Variants in TRIM44 observed in about 807,000 individuals in gnomAD.
TRIM44 encodes the protein tripartite motif-containing protein 44.
In TRIM44, 13 loss-of-function variants were observed where a neutral mutation model predicts 37.4. That is an observed-to-expected ratio of 0.35 (90% CI 0.23 to 0.55). The LOEUF is 0.55. TRIM44 is among the 20% of genes least tolerant of loss of function. TRIM44 has a pLI of 0.89. For synonymous variants in TRIM44, 175 were observed against 157.2 expected (o/e 1.11, Z -0.85); for missense variants, 426 against 437.2 (o/e 0.97, Z 0.23).
chr11:35,803,549 C>T (rs1314025352), intron 4 of TRIM44, among the ~76,000 whole-genome samples: 1 of 152,052 alleles, frequency 6.6e-6, no homozygotes, highest in African/African-American at 2.4e-5. Flanking sequence ...GGTGAAACTC[C>T]AGCTCTACTA....
intron 2 of TRIM44, among the ~76,000 whole-genome samples, chr11:35,716,790 G>C (rs1210582004): frequency 6.6e-6 from 1 of 152,190 alleles, no homozygotes; most frequent in Non-Finnish European, 1.5e-5. Flanking sequence ...TGTTGGGTCA[G>C]AAGGCAGATT....
In TRIM44 at chr11:35,663,110, A is replaced by C; in HGVS notation, c.-2A>C. 6.6e-7 allele frequency: 1 copy of C among 1,512,680 alleles called. No individual in the cohort carries two copies. Among genetic ancestry groups the C allele is most frequent in the Non-Finnish European group, 8.8e-7 (1 of 1,136,526 alleles). 93.7% of individuals were successfully genotyped at this position (1,512,680 alleles called of 1,614,324 possible). A position where few individuals can be genotyped will look rare whatever the true frequency, so the allele number is the denominator to read the frequency against. ...AGGCCTTGGCCGCGTCACAGCACCC[A>C]CATGGCCTCTGGAGTGGGCGCGGCC... On this transcript the variant is annotated 5_prime_UTR_variant, in exon 1 of 5. Coordinates refer to ENST00000299413, the MANE Select transcript of TRIM44 (RefSeq NM_017583.6).
At chr11:35,765,750 T>C (rs16927899) in intron 4 of TRIM44, among the ~76,000 whole-genome samples, 1,944 of 151,242 alleles carry the variant, frequency 0.013, 46 homozygotes, top group African/African-American at 0.044. Flanking sequence ...GTTTCACTCA[T>C]TCATTCATTT....
At chr11:35,702,725 ACAAT>A (rs1185247800) in intron 2 of TRIM44, among the ~76,000 whole-genome samples, 1 of 152,268 alleles carries the variant, frequency 6.6e-6, no homozygotes, top group Non-Finnish European at 1.5e-5. Flanking sequence ...AATTTCATTA[ACAAT>A]CAAGTGTCAT....
chr11:35,735,070 G>A (rs1590553476), intron 3 of TRIM44, among the ~76,000 whole-genome samples: 2 of 152,186 alleles, frequency 1.3e-5, no homozygotes, highest in East Asian at 3.9e-4. Flanking sequence ...TTTGGAACTG[G>A]CTAGCTTTTG....
chr11:35,741,342 G>A (rs541171516), intron 4 of TRIM44, among the ~76,000 whole-genome samples: 2 of 152,242 alleles, frequency 1.3e-5, no homozygotes, highest in Admixed American at 1.3e-4. Flanking sequence ...TGTGCTGCCT[G>A]TCTATACCCA....
chr11:35,749,920 CA>C (rs1455825968), intron 4 of TRIM44, among the ~76,000 whole-genome samples: 11 of 152,150 alleles, frequency 7.2e-5, no homozygotes, highest in African/African-American at 2.7e-4. Context: ...TGTTCATCAA[CA>C]AATAGGAGTG....
chr11:35,764,315 A>G lies in TRIM44; in HGVS notation c.1007+28870A>G, dbSNP rs79561402. Among the ~76,000 whole-genome samples, 74 of 152,308 alleles carry G rather than the reference A, an allele frequency of 4.9e-4. No homozygotes were observed. The East Asian group carries it at 0.014, about 29-fold the overall frequency. ...CTTCCTTCTGCTCACCATTACAGTA[A>G]GCAGATTAGGATGGAATTGCCTCTG... On this transcript the variant is annotated intron_variant, in intron 4 of 4. Coordinates refer to ENST00000299413, the MANE Select transcript of TRIM44 (RefSeq NM_017583.6).
At chr11:35,716,581 C>T (rs757205719) in intron 2 of TRIM44, among the ~76,000 whole-genome samples, 3 of 152,096 alleles carry the variant, frequency 2.0e-5, no homozygotes, top group Non-Finnish European at 4.4e-5. Context: ...AATGTATTGC[C>T]CACTGTTTTT....
intron 4 of TRIM44, among the ~76,000 whole-genome samples, chr11:35,764,865 C>T (rs1852773295): frequency 6.6e-6 from 1 of 151,970 alleles, no homozygotes; most frequent in Non-Finnish European, 1.5e-5. Flanking sequence ...TTTGACTTCT[C>T]AGTATTAAAT....
At chr11:35,780,474 G>T (rs949251353) in intron 4 of TRIM44, among the ~76,000 whole-genome samples, 1 of 152,114 alleles carries the variant, frequency 6.6e-6, no homozygotes, top group Admixed American at 6.5e-5. Flanking sequence ...AGAAGCATTG[G>T]CCACTTTCTT....
intron 2 of TRIM44, among the ~76,000 whole-genome samples, chr11:35,695,703 C>T (rs1851688133): frequency 6.6e-6 from 1 of 152,048 alleles, no homozygotes; most frequent in Non-Finnish European, 1.5e-5. Context: ...GACTTTAAAT[C>T]ATTATAGATG....
intron 4 of TRIM44, among the ~76,000 whole-genome samples, chr11:35,779,532 G>A (rs993846972): frequency 6.6e-6 from 1 of 152,164 alleles, no homozygotes. Context: ...CACGCTGGGA[G>A]CTGTAGACTG....
At chr11:35,777,137 T>C (rs922509139) in intron 4 of TRIM44, among the ~76,000 whole-genome samples, 22 of 152,334 alleles carry the variant, frequency 1.4e-4, no homozygotes, top group African/African-American at 5.1e-4. Flanking sequence ...ATCTGGGTGC[T>C]CCTGTATTGG....
chr11:35,806,293 A>G, intron 4 of TRIM44, 65 bp from the exon 5 acceptor site: 1 of 1,570,258 alleles, frequency 6.4e-7, no homozygotes, highest in Admixed American at 1.7e-5. Flanking sequence ...GCTATCAACC[A>G]GTAGACTAGG....
chr11:35,663,438 A>G lies in TRIM44; in HGVS notation c.327A>G (p.Glu109=), dbSNP rs148551696. 7.8e-5 allele frequency: 123 copies of G among 1,568,432 alleles called. No homozygotes were observed. The African/African-American group carries it at 1.3e-3, about 17-fold the overall frequency. ...SESEEESESE[E]ESETEEESED... ...CGGAGGAAGAGAGCGAGTCAGAGGAAGAGAGCGAGACAGAGGAAGAGAGTG... is the reference window on the plus strand; with the variant it reads ...CGGAGGAAGAGAGCGAGTCAGAGGAGGAGAGCGAGACAGAGGAAGAGAGTG... The change falls in exon 1 of 5, where the codon GAA becomes GAG. Residue 109 remains glutamate (E), a synonymous_variant. Transcript: ENST00000299413.
rs1374036735 is a variant in TRIM44 at position 35,812,018 on chromosome 11, C to CTT, written c.*5634_*5635dup. ...GGTGGCACTGCCTGCCACTGTAGCACTTAGGAGTCTTCAGTGTTTTAACAA... is the reference window on the plus strand; with the variant it reads ...GGTGGCACTGCCTGCCACTGTAGCACTTTTAGGAGTCTTCAGTGTTTTAACAA... On this transcript the variant is annotated 3_prime_UTR_variant, in exon 5 of 5. Transcript: ENST00000299413. 1 of 152,202 alleles carries CTT rather than the reference C, an allele frequency of 6.6e-6. No individual in the cohort carries two copies. The highest frequency in any genetic ancestry group is 1.9e-4 in the East Asian group (1 of 5,176). 9.4% of individuals were successfully genotyped at this position (152,202 alleles called of 1,614,324 possible).
At chr11:35,776,267 C>G (rs1459389759) in intron 4 of TRIM44, among the ~76,000 whole-genome samples, 2 of 152,168 alleles carry the variant, frequency 1.3e-5, no homozygotes, top group Admixed American at 6.5e-5. Context: ...ATAGTATTCT[C>G]TGATGGTAGT....
In TRIM44 at chr11:35,662,994, C is replaced by G; in HGVS notation, c.-118C>G. 1 of 1,408,420 alleles carries G rather than the reference C, an allele frequency of 7.1e-7. No individual in the cohort carries two copies. Among genetic ancestry groups the G allele is most frequent in the Non-Finnish European group, 9.2e-7 (1 of 1,086,502 alleles). The allele number at this position is 1,408,420 out of a possible 1,614,324, so 87.2% of individuals were successfully genotyped here. Reference sequence around the variant, plus strand: ...GTCCCGCTTCGAGACGCGGCGCGGTCCAGGCGGGAGGCGACTCCCTAGGAA... The same window carrying G: ...GTCCCGCTTCGAGACGCGGCGCGGTGCAGGCGGGAGGCGACTCCCTAGGAA... On this transcript the variant is annotated 5_prime_UTR_variant, in exon 1 of 5. Coordinates refer to ENST00000299413, the MANE Select transcript of TRIM44 (RefSeq NM_017583.6).
Sources: allele counts gnomAD v4.1 joint callset (sites outside exome capture counted in the v4.1 genomes callset), GRCh38; gene constraint gnomAD v4.1.1; transcripts MANE v1.5; gene names NCBI Gene and HGNC (gene_info 2026-07-23, HGNC 2026-07-21).